Variants in F2 observed in about 807,000 individuals in gnomAD.
F2 encodes the protein coagulation factor II, thrombin.
Under a neutral mutation model 81.9 loss-of-function variants are expected in F2, and 34 were observed. The ratio of observed to expected loss-of-function variants is 0.42; its 90% CI spans 0.32 to 0.55. The LOEUF (loss-of-function observed/expected upper bound fraction) is 0.55, where lower values mean the gene tolerates loss of function less well. F2 is among the 20% of genes least tolerant of loss of function. F2 has a pLI of 0.18. For synonymous variants in F2, 296 were observed against 326.4 expected (o/e 0.91, Z 1.01); for missense variants, 630 against 833.4 (o/e 0.76, Z 3.00).
intron 2 of F2, chr11:46,720,068 G>C (rs756816205): frequency 4.4e-6 from 3 of 686,074 alleles, no homozygotes; most frequent in Admixed American, 5.4e-5. Flanking sequence ...TCCCTGTGCA[G>C]CTCCATGACA....
chr11:46,738,221 A>C (rs2064956460), intron 12 of F2, among the ~76,000 whole-genome samples: 1 of 151,216 alleles, frequency 6.6e-6, no homozygotes, highest in Admixed American at 6.6e-5. Flanking sequence ...GGCTGGTCTT[A>C]AACTCCTGAC....
At position 46,729,427 on chromosome 11, in the gene F2, T is replaced by C; in HGVS notation, c.1520T>C (p.Leu507Pro). The change falls in exon 12 of 14, where the codon CTG becomes CCG. Residue 507 changes from leucine (L) to proline (P), a missense_variant. By Grantham distance (98) the Leu-to-Pro change is moderately conservative. Coordinates refer to ENST00000311907, the MANE Select transcript of F2 (RefSeq NM_000506.5). ...YKGRVTGWGN[L>P]KETWTANVGK... ...GGGCGGGTGACAGGCTGGGGCAACC[T>C]GAAGGAGACGTGGACAGCCAACGTT... The C allele has an allele frequency of 6.2e-7, 1 of 1,614,098 alleles. No individual in the cohort carries two copies. The highest frequency in any genetic ancestry group is 8.5e-7 in the Non-Finnish European group (1 of 1,180,012).
At chr11:46,729,245 G>A in intron 11 of F2, 135 bp from the exon 12 acceptor site, 1 of 979,928 alleles carries the variant, frequency 1.0e-6, no homozygotes, top group Non-Finnish European at 1.5e-6. Flanking sequence ...CTCCCAAAGT[G>A]CCGAGACCAC....
chr11:46,735,665 G>A (rs1211183650), intron 12 of F2, among the ~76,000 whole-genome samples: 1 of 151,210 alleles, frequency 6.6e-6, no homozygotes, highest in East Asian at 2.0e-4. Context: ...GCTCACGCCT[G>A]TAATCCTAGC....
chr11:46,720,617 G>A, intron 3 of F2, 70 bp downstream of exon 3: 1 of 1,591,664 alleles, frequency 6.3e-7, no homozygotes, highest in Non-Finnish European at 8.6e-7. Flanking sequence ...TCTACCCAGA[G>A]AATCTTCTGC....
chr11:46,726,873 G>T lies in F2; in HGVS notation c.1130+36G>T. ...GAGCCCTGCGCTACCATTCACTCCT[G>T]GGGGCAGGTGTGCTGCTGGACCCCC... On this transcript the variant is annotated intron_variant, in intron 9 of 13. Coordinates refer to ENST00000311907, the MANE Select transcript of F2 (RefSeq NM_000506.5). This position sits in a 1 kb window ranked among gnomAD's most constrained non-coding sequence, Gnocchi z 5.9. 2.5e-6 allele frequency: 4 copies of T among 1,611,222 alleles called. No homozygotes were observed. The highest frequency in any genetic ancestry group is 1.1e-5 in the South Asian group (1 of 91,022).
chr11:46,729,292 T>G, intron 11 of F2, 88 bp from the exon 12 acceptor site: 1 of 1,454,624 alleles, frequency 6.9e-7, no homozygotes, highest in Non-Finnish European at 9.5e-7. Flanking sequence ...CTCTGGCGTT[T>G]TAGATTCTGG....
intron 3 of F2, 81 bp from the exon 4 acceptor site, chr11:46,720,709 C>T: frequency 6.4e-7 from 1 of 1,560,194 alleles, no homozygotes; most frequent in Non-Finnish European, 8.8e-7. Context: ...TTCTGTTTCT[C>T]ACCAACATCC....
Position 46,726,241 on chromosome 11 carries a change from C to G in F2, c.874+68C>G. 6.3e-7 allele frequency: 1 copy of G among 1,589,300 alleles called. No homozygotes were observed. Among genetic ancestry groups the G allele is most frequent in the Non-Finnish European group, 8.6e-7 (1 of 1,168,002 alleles). The stretch of plus-strand genomic sequence containing the variant: ...CTGGTGGGAATAACAACAGCCGCTT[C>G]TGCTTATCGAACGCTTACCTCATTG... On this transcript the variant is annotated intron_variant, in intron 7 of 13. Transcript: ENST00000311907. This position sits in a 1 kb window ranked among gnomAD's most constrained non-coding sequence, Gnocchi z 5.9.
chr11:46,721,330 G>C (rs757988790), intron 4 of F2, among the ~76,000 whole-genome samples: 3 of 152,042 alleles, frequency 2.0e-5, no homozygotes, highest in Non-Finnish European at 2.9e-5. Flanking sequence ...GTGAGCCACC[G>C]CGCCTGGCCA....
rs761189535 is a variant in F2 at position 46,739,135 on chromosome 11, C to T, written c.1725+17C>T. 6.4e-5 allele frequency: 103 copies of T among 1,613,582 alleles called. No homozygotes were observed. The highest frequency in any genetic ancestry group is 8.4e-5 in the Non-Finnish European group (99 of 1,179,570). On this transcript the variant is annotated intron_variant, in intron 13 of 13. Coordinates refer to ENST00000311907, the MANE Select transcript of F2 (RefSeq NM_000506.5). ...GTCATGAAGGTAAGCTTCTCTAAAG[C>T]CCAGGGCCTGGTGAACACATCTTCT...
At position 46,732,653 on chromosome 11, in the gene F2, C is replaced by T. The variant is rs531393098; in HGVS notation, c.1654+3092C>T. Among the ~76,000 whole-genome samples the T allele has an allele frequency of 7.2e-5, 11 of 152,310 alleles. No individual in the cohort carries two copies. The East Asian group carries it at 2.1e-3, about 29-fold the overall frequency. ...ACCTCAGGTGATCCGCCCGCCTCAG[C>T]CTTCCAAGGTTCTGGGATTATAGGC... On this transcript the variant is annotated intron_variant, in intron 12 of 13. Transcript: ENST00000311907.
rs2064888258 is a variant in F2 at position 46,728,151 on chromosome 11, A to C, written c.1286A>C (p.His429Pro). 1 of 1,608,368 alleles carries C rather than the reference A, an allele frequency of 6.2e-7. No homozygotes were observed. Among genetic ancestry groups the C allele is most frequent in the African/African-American group, 1.3e-5 (1 of 74,584 alleles). The change falls in exon 10 of 14, where the codon CAC (histidine) becomes CCC (proline). Residue 429 changes from histidine to proline, a missense_variant. By Grantham distance (77) the His-to-Pro change is moderately conservative. Transcript: ENST00000311907. The surrounding 1 kb of genome is among the most constrained non-coding windows in gnomAD (Gnocchi z 5.1). The part of the protein sequence containing the change: ...ENDLLVRIGK[H>P]SRTRYERNIE... ...GACCTTCTGGTGCGCATTGGCAAGC[A>C]CTCCCGCACCAGGTACAGAACTGGT...
At chr11:46,738,970 C>CA (rs1416565524) in intron 12 of F2, 78 bp from the exon 13 acceptor site, 1 of 1,464,100 alleles carries the variant, frequency 6.8e-7, no homozygotes, top group Non-Finnish European at 9.6e-7. Flanking sequence ...AGTGGACTCT[C>CA]ACCAGCTGTG....
rs539368733 is a variant in F2 at position 46,726,300 on chromosome 11, G to A, written c.874+127G>A. 5.6e-6 allele frequency: 8 copies of A among 1,432,086 alleles called. No homozygotes were observed. The highest frequency in any genetic ancestry group is 4.0e-5 in the Admixed American group (2 of 50,372). 88.7% of individuals were successfully genotyped at this position (1,432,086 alleles called of 1,614,324 possible). A position where few individuals can be genotyped will look rare whatever the true frequency, so the allele number is the denominator to read the frequency against. ...CATTACAGCCTTACAGTAACCAGGTGGGGGGTAAGGTCCTGTGCCCATTTC... is the reference window on the plus strand; with the variant it reads ...CATTACAGCCTTACAGTAACCAGGTAGGGGGTAAGGTCCTGTGCCCATTTC... On this transcript the variant is annotated intron_variant, in intron 7 of 13. Coordinates refer to ENST00000311907, the MANE Select transcript of F2 (RefSeq NM_000506.5). The surrounding 1 kb of genome is among the most constrained non-coding windows in gnomAD (Gnocchi z 5.9).
rs1592408045 is a variant in F2 at position 46,720,119 on chromosome 11, G to C, written c.240+257G>C. 2.2e-5 allele frequency: 13 copies of C among 587,998 alleles called. No individual in the cohort carries two copies. In the East Asian group the frequency reaches 3.8e-4, roughly 17 times the overall value. 36.4% of individuals were successfully genotyped at this position (587,998 alleles called of 1,614,324 possible). On this transcript the variant is annotated intron_variant, in intron 2 of 13. Transcript: ENST00000311907. ...AGTCTTCAGACATCCACCTGCCCTG[G>C]AGCTCTGTGTCCACATGGCCTCCTC...
In F2 at chr11:46,719,796, A is replaced by G. The variant is rs905074363; in HGVS notation, c.174A>G (p.Arg58=). Residue 58 remains arginine, a synonymous_variant, in exon 2 of 14, where the codon CGA becomes CGG. Coordinates refer to ENST00000311907, the MANE Select transcript of F2 (RefSeq NM_000506.5). This position sits in a 1 kb window ranked among gnomAD's most constrained non-coding sequence, Gnocchi z 4.7. ...AGGTGCGCAAGGGCAACCTGGAGCG[A>G]GAGTGCGTGGAGGAGACGTGCAGCT... ...LEEVRKGNLE[R]ECVEETCSYE... 65 of 1,595,798 alleles carry G rather than the reference A, an allele frequency of 4.1e-5. No individual in the cohort carries two copies. Among genetic ancestry groups the G allele is most frequent in the Non-Finnish European group, 5.3e-5 (62 of 1,172,192 alleles).
chr11:46,739,410 G>A lies in F2; in HGVS notation c.*2G>A, dbSNP rs2064964349. 1 of 1,613,902 alleles carries A rather than the reference G, an allele frequency of 6.2e-7. No individual in the cohort carries two copies. Among genetic ancestry groups the A allele is most frequent in the Admixed American group, 1.7e-5 (1 of 59,978 alleles). ...GTCATTGATCAGTTTGGAGAGTAGG[G>A]GGCCACTCATATTCTGGGCTCCTGG... On this transcript the variant is annotated 3_prime_UTR_variant, in exon 14 of 14. Coordinates refer to ENST00000311907, the MANE Select transcript of F2 (RefSeq NM_000506.5).
At chr11:46,720,949 A>G in intron 4 of F2, 109 bp downstream of exon 4, 1 of 1,131,720 alleles carries the variant, frequency 8.8e-7, no homozygotes, top group Non-Finnish European at 1.3e-6. Flanking sequence ...AGTCCCCAGC[A>G]TCTGACATTG....
Sources: allele counts gnomAD v4.1 joint callset (sites outside exome capture counted in the v4.1 genomes callset), GRCh38; gene constraint gnomAD v4.1.1; non-coding constraint Gnocchi (gnomAD v3.1); transcripts MANE v1.5; gene names NCBI Gene and HGNC (gene_info 2026-07-23, HGNC 2026-07-21).